NT5C3B: variants seen among roughly 807,000 people sequenced by gnomAD.
The protein encoded by NT5C3B is 5'-nucleotidase, cytosolic IIIB, also known as 7-methylguanosine phosphate-specific 5'-nucleotidase.
Under a neutral mutation model 32.5 loss-of-function variants are expected in NT5C3B, and 28 were observed. The observed-to-expected ratio is 0.86, with a 90% CI of 0.64 to 1.18. The LOEUF is 1.18. NT5C3B is among the 50% of genes most tolerant of loss of function. NT5C3B has a pLI of 0.00. For synonymous variants in NT5C3B, 138 were observed against 118.0 expected, an observed-to-expected ratio of 1.17 and a Z score of -1.10; for missense variants, 317 against 322.0, an observed-to-expected ratio of 0.98 and a Z score of 0.12.
At chr17:41,825,885 C>T (rs2047952615) in intron 8 of NT5C3B, among the ~76,000 whole-genome samples, 2 of 152,166 alleles carry the variant, frequency 1.3e-5, no homozygotes, top group Non-Finnish European at 1.5e-5. Flanking sequence ...AGAACAGTAA[C>T]AAGGAATAAA....
chr17:41,830,063 G>C (rs2048026561), intron 6 of NT5C3B, among the ~76,000 whole-genome samples: 1 of 152,070 alleles, frequency 6.6e-6, no homozygotes, highest in Non-Finnish European at 1.5e-5. Context: ...TCCTTTATGA[G>C]GATTTCTTTC....
At chr17:41,835,835 G>C (rs781823166) in intron 2 of NT5C3B, 24 bp downstream of exon 2, 2 of 1,588,356 alleles carry the variant, frequency 1.3e-6, no homozygotes, top group Non-Finnish European at 1.7e-6. Flanking sequence ...CAGCCCGGCC[G>C]GCCCCCGCAC....
intron 8 of NT5C3B, 100 bp from the exon 9 acceptor site, chr17:41,825,757 C>T: frequency 2.5e-6 from 2 of 813,166 alleles, no homozygotes; most frequent in South Asian, 2.9e-5. Context: ...AGCATTCAAG[C>T]AGCAACTCCC....
chr17:41,827,567 C>T lies in NT5C3B; in HGVS notation c.627G>A (p.Ala209=), dbSNP rs781996129. 8 of 869,942 alleles carry T rather than the reference C, an allele frequency of 9.2e-6. No homozygotes were observed. The highest frequency in any genetic ancestry group is 2.4e-5 in the East Asian group (1 of 41,700). 53.9% of individuals were successfully genotyped at this position (869,942 alleles called of 1,614,324 possible). Residue 209 remains alanine (A), a synonymous_variant, in exon 8 of 9, where the codon GCG becomes GCA. Coordinates refer to ENST00000435506, the MANE Select transcript of NT5C3B (RefSeq NM_052935.5). ...GCTGGAAGTAACCAGAGTTCTCACACGCAGAGCTGTTCTTGTTGTATGTGT... is the reference window on the plus strand; with the variant it reads ...GCTGGAAGTAACCAGAGTTCTCACATGCAGAGCTGTTCTTGTTGTATGTGT... The part of the protein sequence containing the change: ...LIHTYNKNSS[A]CENSGYFQQL...
intron 7 of NT5C3B, chr17:41,828,339 G>C (rs1356239015): frequency 6.4e-6 from 1 of 155,768 alleles, no homozygotes; most frequent in Non-Finnish European, 1.4e-5. Context: ...AAGTTTTTTT[G>C]TTTTTGTTTT....
intron 4 of NT5C3B, among the ~76,000 whole-genome samples, chr17:41,833,143 A>G (rs1555619274): frequency 6.6e-6 from 1 of 152,162 alleles, no homozygotes; most frequent in Non-Finnish European, 1.5e-5. Context: ...GAAGGGTACT[A>G]AGATTTTTTT....
chr17:41,829,241 T>C (rs8081590), intron 6 of NT5C3B, among the ~76,000 whole-genome samples: 116,111 of 152,134 alleles, frequency 0.76, 44,590 homozygotes, highest in Admixed American at 0.84. Flanking sequence ...AGGCTGGTCT[T>C]GAACTCCTAT....
chr17:41,832,269 T>C (rs2048063893), intron 5 of NT5C3B, 123 bp downstream of exon 5: 2 of 753,774 alleles, frequency 2.7e-6, no homozygotes, highest in East Asian at 5.7e-5. Context: ...ACTAATAGTA[T>C]TAAATTAAGC....
In NT5C3B at chr17:41,827,519, G is replaced by A. The variant is rs1555618390; in HGVS notation, c.675C>T (p.Val225=). 2 of 872,958 alleles carry A rather than the reference G, an allele frequency of 2.3e-6. No individual in the cohort carries two copies. Among genetic ancestry groups the A allele is most frequent in the Non-Finnish European group, 4.0e-6 (2 of 501,676 alleles). 54.1% of individuals were successfully genotyped at this position (872,958 alleles called of 1,614,324 possible). A position where few individuals can be genotyped will look rare whatever the true frequency, so the allele number is the denominator to read the frequency against. The change falls in exon 8 of 9, where the codon GTC becomes GTT. Residue 225 remains valine, a synonymous_variant. Coordinates refer to ENST00000435506, the MANE Select transcript of NT5C3B (RefSeq NM_052935.5). ...CCCCGATAGAGTCTCCCAGCAGGATGACATTGGTTTTGCCCTCAAGTTGCT... is the reference window on the plus strand; with the variant it reads ...CCCCGATAGAGTCTCCCAGCAGGATAACATTGGTTTTGCCCTCAAGTTGCT... The part of the protein sequence containing the change: ...YFQQLEGKTN[V]ILLGDSIGDL...
chr17:41,830,664 CA>C, intron 6 of NT5C3B, 136 bp downstream of exon 6: 1 of 664,232 alleles, frequency 1.5e-6, no homozygotes, highest in East Asian at 2.6e-5. Context: ...AGCTGTATCA[CA>C]TCAGTTGTTC....
At position 41,827,263 on chromosome 17, in the gene NT5C3B, C is replaced by T. The variant is rs2047982362; in HGVS notation, c.768+163G>A. Among the ~76,000 whole-genome samples, 3 of 151,606 alleles carry T rather than the reference C, an allele frequency of 2.0e-5. No individual in the cohort carries two copies. The South Asian group carries it at 6.2e-4, about 32-fold the overall frequency. ...GCAATGAGCTGAGATCATGCCACTG[C>T]ACTCCAGCCTGGGCGACAGAGTGAG... On this transcript the variant is annotated intron_variant, in intron 8 of 8. Transcript: ENST00000435506.
chr17:41,830,826 C>T lies in NT5C3B; in HGVS notation c.379G>A (p.Val127Ile). 1 of 1,611,278 alleles carries T rather than the reference C, an allele frequency of 6.2e-7. No homozygotes were observed. Among genetic ancestry groups the T allele is most frequent in the Non-Finnish European group, 8.5e-7 (1 of 1,177,790 alleles). ...KIQKFQIAQV[V>I]RESNAMLREG... The stretch of plus-strand genomic sequence containing the variant: ...CTGAGCATTGCATTGGACTCTCTAA[C>T]CACCTGGGCTATCTGAAACTTCTGA... Residue 127 changes from valine to isoleucine, a missense_variant, in exon 6 of 9, where the codon GTT becomes ATT. Val to Ile is a conservative substitution (Grantham distance 29). Coordinates refer to ENST00000435506, the MANE Select transcript of NT5C3B (RefSeq NM_052935.5).
At chr17:41,826,688 A>T (rs1345546854) in intron 8 of NT5C3B, among the ~76,000 whole-genome samples, 2 of 151,906 alleles carry the variant, frequency 1.3e-5, no homozygotes, top group Admixed American at 6.5e-5. Flanking sequence ...ATAAATAAAT[A>T]AAATAAAATA....
Position 41,825,648 on chromosome 17 carries a change from G to A in NT5C3B, c.778C>T (p.Arg260Trp), listed in dbSNP as rs782119056. 19 of 872,608 alleles carry A rather than the reference G, an allele frequency of 2.2e-5. No homozygotes were observed. The highest frequency in any genetic ancestry group is 2.2e-4 in the Middle Eastern group (1 of 4,634). 54.1% of individuals were successfully genotyped at this position (872,608 alleles called of 1,614,324 possible). Residue 260 changes from arginine to tryptophan, a missense_variant, in exon 9 of 9, where the codon CGG becomes TGG. Coordinates refer to ENST00000435506, the MANE Select transcript of NT5C3B (RefSeq NM_052935.5). ...TAGGAGTCCATGTAGCGCTCCCGCC[G>A]CTCCTCCACCTGCCCGGAATGAGAG... ...IGFLNDKVEE[R>W]RERYMDSYDI...
In NT5C3B at chr17:41,825,113, T is replaced by C. The variant is rs1555617892; in HGVS notation, c.*410A>G. ...TTCTCAAACTGTGTTCCTAGAAGCATCCCATGTGCCCCCAGGGCCAAGAGG... is the reference window on the plus strand; with the variant it reads ...TTCTCAAACTGTGTTCCTAGAAGCACCCCATGTGCCCCCAGGGCCAAGAGG... On this transcript the variant is annotated 3_prime_UTR_variant, in exon 9 of 9. Coordinates refer to ENST00000435506, the MANE Select transcript of NT5C3B (RefSeq NM_052935.5). 1.2e-5 allele frequency: 2 copies of C among 162,272 alleles called. No homozygotes were observed. The highest frequency in any genetic ancestry group is 1.7e-4 in the East Asian group (1 of 5,758). The allele number at this position is 162,272 out of a possible 1,614,324, so 10.1% of individuals were successfully genotyped here.
chr17:41,825,715 T>G (rs899565560), intron 8 of NT5C3B, 58 bp from the exon 9 acceptor site: 6 of 866,632 alleles, frequency 6.9e-6, no homozygotes, highest in African/African-American at 1.6e-5. Context: ...CCTCCGTAGC[T>G]CACTCTCAAA....
In NT5C3B at chr17:41,830,738, C is replaced by G. The variant is rs946117597; in HGVS notation, c.404+63G>C. ...CTGCTCTCTACTCTTCCCCCGCCTCCTTTTTTTGAACAAAACATTCTAAAT... is the reference window on the plus strand; with the variant it reads ...CTGCTCTCTACTCTTCCCCCGCCTCGTTTTTTTGAACAAAACATTCTAAAT... On this transcript the variant is annotated intron_variant, in intron 6 of 8. Transcript: ENST00000435506. 70 of 1,273,890 alleles carry G rather than the reference C, an allele frequency of 5.5e-5. No homozygotes were observed. The Admixed American group carries it at 1.2e-3, about 21-fold the overall frequency. The allele number at this position is 1,273,890 out of a possible 1,614,324, so 78.9% of individuals were successfully genotyped here.
chr17:41,832,951 T>C (rs2048077027), intron 4 of NT5C3B, among the ~76,000 whole-genome samples: 1 of 152,184 alleles, frequency 6.6e-6, no homozygotes, highest in East Asian at 1.9e-4. Flanking sequence ...GGACATGTCA[T>C]TTATAAGACC....
At chr17:41,826,995 A>G (rs571796619) in intron 8 of NT5C3B, among the ~76,000 whole-genome samples, 44 of 101,696 alleles carry the variant, frequency 4.3e-4, no homozygotes, top group African/African-American at 1.5e-3. Flanking sequence ...GTGAGACTCT[A>G]TCTCAAAAAA....
Sources: gnomAD v4.1 joint callset for allele counts (sites outside exome capture counted in the v4.1 genomes callset) on GRCh38, gnomAD v4.1.1 for gene constraint, MANE v1.5 for transcripts, NCBI Gene and HGNC (gene_info 2026-07-23, HGNC 2026-07-21) for gene names.